The following DSCAM variants were observed in gnomAD, a reference collection of about 807,000 sequenced individuals.
DSCAM encodes DS cell adhesion molecule, also known as cell adhesion molecule DSCAM.
DSCAM carries 47 observed loss-of-function variants against 217.7 expected under a neutral mutation model. The ratio of observed to expected loss-of-function variants is 0.22; its 90% CI spans 0.17 to 0.28. DSCAM has a LOEUF of 0.28. DSCAM is among the 10% of genes least tolerant of loss of function. DSCAM has a pLI of 1.00. For missense variants in DSCAM, 2,080 were observed against 2,618.3 expected (o/e 0.79, Z 4.49); for synonymous variants, 1,056 against 1,015.3 (o/e 1.04, Z -0.76).
At chr21:40,782,496 G>A (rs987843304) in intron 1 of DSCAM, among the ~76,000 whole-genome samples, 5 of 152,210 alleles carry the variant, frequency 3.3e-5, no homozygotes, top group African/African-American at 1.2e-4. Context: ...GGGAGGCCGA[G>A]GCGGGAGGAT....
intron 3 of DSCAM, among the ~76,000 whole-genome samples, chr21:40,380,320 C>A (rs1289401892): frequency 6.6e-6 from 1 of 152,096 alleles, no homozygotes; most frequent in Non-Finnish European, 1.5e-5. Flanking sequence ...TTGTATAATT[C>A]CTTTACTTTT....
chr21:40,464,422 A>T (rs764432805), intron 3 of DSCAM, among the ~76,000 whole-genome samples: 4 of 152,228 alleles, frequency 2.6e-5, no homozygotes, highest in Non-Finnish European at 4.4e-5. Context: ...AACTGTTCAC[A>T]GTCACTTAAA....
intron 3 of DSCAM, among the ~76,000 whole-genome samples, chr21:40,469,289 G>A (rs2075869188): frequency 6.6e-6 from 1 of 152,108 alleles, no homozygotes; most frequent in South Asian, 2.1e-4. Flanking sequence ...TCTCAGAAAT[G>A]ATGGATGGTA....
rs571398390 is a variant in DSCAM, at chr21:40,538,913, T to G, written c.508+153897A>C. 7.2e-5 allele frequency among the ~76,000 whole-genome samples: 11 copies of G among 152,176 alleles called. No homozygotes were observed. The East Asian group carries it at 1.7e-3, about 24-fold the overall frequency. ...TGGGTTCCGTCTTTCCTTCATGAGG[T>G]CAAGTAGTAGAGGATGAAACAGCAC... On this transcript the variant is annotated intron_variant, in intron 3 of 32. Coordinates refer to ENST00000400454, the MANE Select transcript of DSCAM (RefSeq NM_001389.5).
intron 11 of DSCAM, among the ~76,000 whole-genome samples, chr21:40,205,697 T>C (rs1445368524): frequency 3.9e-5 from 6 of 152,048 alleles, no homozygotes; most frequent in African/African-American, 1.5e-4. Flanking sequence ...AAAAATGATC[T>C]GTTGAAGTAT....
chr21:40,489,009 T>A (rs560841852), intron 3 of DSCAM, among the ~76,000 whole-genome samples: 2 of 152,294 alleles, frequency 1.3e-5, no homozygotes, highest in East Asian at 3.9e-4. Context: ...ATTCTCTAGG[T>A]CTATGCTTCT....
intron 11 of DSCAM, among the ~76,000 whole-genome samples, chr21:40,200,388 A>G (rs1420209680): frequency 6.6e-6 from 1 of 152,208 alleles, no homozygotes; most frequent in Non-Finnish European, 1.5e-5. Flanking sequence ...CTCCTATAAG[A>G]AGAATCATAC....
chr21:40,689,829 T>A (rs2090520048), intron 3 of DSCAM, among the ~76,000 whole-genome samples: 2 of 152,208 alleles, frequency 1.3e-5, no homozygotes, highest in South Asian at 4.1e-4. Flanking sequence ...TCATCTGCTG[T>A]GCATATGGCA....
At chr21:40,456,736 G>A (rs1342550839) in intron 3 of DSCAM, among the ~76,000 whole-genome samples, 1 of 151,952 alleles carries the variant, frequency 6.6e-6, no homozygotes, top group African/African-American at 2.4e-5. Context: ...GTCACTAAAT[G>A]GATAGCTAAT....
intron 6 of DSCAM, among the ~76,000 whole-genome samples, chr21:40,341,247 T>C (rs951833453): frequency 6.6e-6 from 1 of 152,208 alleles, no homozygotes; most frequent in African/African-American, 2.4e-5. Flanking sequence ...TACAGAGAAG[T>C]TAGATGTCAT....
chr21:40,180,934 G>A (rs2090792883), intron 14 of DSCAM, among the ~76,000 whole-genome samples: 1 of 151,966 alleles, frequency 6.6e-6, no homozygotes, highest in African/African-American at 2.4e-5. Context: ...CTTTAGCTCA[G>A]CCCCTATCTC....
chr21:40,698,454 T>C (rs1382972821), intron 2 of DSCAM, among the ~76,000 whole-genome samples: 1 of 152,158 alleles, frequency 6.6e-6, no homozygotes, highest in African/African-American at 2.4e-5. Flanking sequence ...TCCAGGAAGA[T>C]TGTAACTCCA....
At chr21:40,834,793 A>G (rs994674546) in intron 1 of DSCAM, among the ~76,000 whole-genome samples, 3 of 152,162 alleles carry the variant, frequency 2.0e-5, no homozygotes, top group Non-Finnish European at 2.9e-5. Context: ...CAGACCCCCC[A>G]GGAAAATACA....
chr21:40,808,337 G>A (rs954939080), intron 1 of DSCAM, among the ~76,000 whole-genome samples: 1 of 152,102 alleles, frequency 6.6e-6, no homozygotes, highest in Non-Finnish European at 1.5e-5. Flanking sequence ...AAAATGAAAA[G>A]AAGCCATCTT....
intron 26 of DSCAM, among the ~76,000 whole-genome samples, chr21:40,077,898 C>A (rs1156806760): frequency 1.3e-5 from 2 of 152,210 alleles, no homozygotes; most frequent in Non-Finnish European, 2.9e-5. Context: ...GCACCTAACT[C>A]AATCCTTGCT....
chr21:40,070,352 G>A (rs967679334), intron 27 of DSCAM, among the ~76,000 whole-genome samples: 15 of 93,656 alleles, frequency 1.6e-4, no homozygotes, highest in African/African-American at 1.1e-4. Flanking sequence ...AAGGAGGGAG[G>A]GAGGGAAGGA....
At chr21:40,652,172 A>G (rs62223651) in intron 3 of DSCAM, among the ~76,000 whole-genome samples, 75,756 of 148,832 alleles carry the variant, frequency 0.51, 19,837 homozygotes, top group African/African-American at 0.62. Flanking sequence ...GGTGGAGGGA[A>G]GGAGAGGATC....
chr21:40,743,346 G>A (rs1445123362), intron 1 of DSCAM, among the ~76,000 whole-genome samples: 1 of 152,068 alleles, frequency 6.6e-6, no homozygotes, highest in African/African-American at 2.4e-5. Context: ...ATCAACTCCT[G>A]GCAACAACTT....
intron 11 of DSCAM, among the ~76,000 whole-genome samples, chr21:40,269,367 C>A (rs75348021): frequency 0.037 from 5,660 of 152,264 alleles, 340 homozygotes; most frequent in African/African-American, 0.13. Flanking sequence ...GCCCATCCTT[C>A]AATCAAAGGG....
Sources: gnomAD v4.1 joint callset for allele counts (sites outside exome capture counted in the v4.1 genomes callset) on GRCh38, gnomAD v4.1.1 for gene constraint, MANE v1.5 for transcripts, NCBI Gene and HGNC (gene_info 2026-07-23, HGNC 2026-07-21) for gene names.